The following MVB12B variants were observed in gnomAD, a reference collection of about 807,000 sequenced individuals.
MVB12B encodes ESCRT-I complex subunit MVB12B.
MVB12B carries 16 observed loss-of-function variants against 41.6 expected under a neutral mutation model. The ratio of observed to expected loss-of-function variants is 0.38; its 90% CI spans 0.26 to 0.58. The LOEUF (loss-of-function observed/expected upper bound fraction) is 0.58, where lower values mean the gene tolerates loss of function less well. Among genes scored for constraint, MVB12B ranks in the 20% least tolerant of loss-of-function variants. The pLI is 0.62. For missense variants in MVB12B, 274 were observed against 380.2 expected (o/e 0.72, Z 2.32); for synonymous variants, 133 against 139.7 (o/e 0.95, Z 0.34).
Position 126,391,817 on chromosome 9 carries a change from C to A in MVB12B, c.410-249C>A, listed in dbSNP as rs1588133948. ...TTGTGGTTGCGGCTCTTAGAAGCCACCCAGATTTACTGCAGGGTGTGTGGT... is the reference window on the plus strand; with the variant it reads ...TTGTGGTTGCGGCTCTTAGAAGCCAACCAGATTTACTGCAGGGTGTGTGGT... On this transcript the variant is annotated intron_variant, in intron 4 of 9. Transcript: ENST00000361171. This position sits in a 1 kb window ranked among gnomAD's most constrained non-coding sequence, Gnocchi z 4.4. Among the ~76,000 whole-genome samples the A allele has an allele frequency of 6.6e-6, 1 of 152,306 alleles. No individual in the cohort carries two copies. The highest frequency in any genetic ancestry group is 1.9e-4 in the East Asian group (1 of 5,184).
At chr9:126,347,970 C>T (rs888163067) in intron 2 of MVB12B, among the ~76,000 whole-genome samples, 2 of 152,212 alleles carry the variant, frequency 1.3e-5, no homozygotes, top group Non-Finnish European at 2.9e-5. Context: ...AGTTGCCCCT[C>T]CTGGAACTCT....
intron 6 of MVB12B, among the ~76,000 whole-genome samples, chr9:126,404,967 A>T (rs770228975): frequency 2.6e-5 from 4 of 152,218 alleles, no homozygotes; most frequent in Admixed American, 6.5e-5. Context: ...ATTAGAATGC[A>T]GTTCGGTATT....
chr9:126,441,332 A>G (rs938045582), intron 7 of MVB12B, among the ~76,000 whole-genome samples: 5 of 152,200 alleles, frequency 3.3e-5, no homozygotes, highest in Non-Finnish European at 7.3e-5. Flanking sequence ...AATTACTCTC[A>G]CTAGGAAGAC....
chr9:126,485,957 T>C (rs1400969890), intron 9 of MVB12B, among the ~76,000 whole-genome samples: 1 of 151,966 alleles, frequency 6.6e-6, no homozygotes, highest in African/African-American at 2.4e-5. Flanking sequence ...ATGGAAATGG[T>C]AGAACCATTT....
intron 7 of MVB12B, among the ~76,000 whole-genome samples, chr9:126,474,858 C>G (rs1240722778): frequency 6.6e-6 from 1 of 152,190 alleles, no homozygotes; most frequent in East Asian, 1.9e-4. Context: ...TCCCTCACCA[C>G]TCTGGCCTCC....
At chr9:126,448,443 C>G (rs1415620319) in intron 7 of MVB12B, 5 of 152,240 alleles carry the variant, frequency 3.3e-5, no homozygotes, top group African/African-American at 1.2e-4. Flanking sequence ...CCATGAAAGA[C>G]CAGTTAATTC....
chr9:126,462,296 A>G (rs972273074), intron 7 of MVB12B, among the ~76,000 whole-genome samples: 4 of 152,228 alleles, frequency 2.6e-5, no homozygotes, highest in Non-Finnish European at 5.9e-5. Flanking sequence ...GGAAGTGATG[A>G]AAACCAATTT....
chr9:126,355,524 A>G (rs2118873224), intron 2 of MVB12B, among the ~76,000 whole-genome samples: 1 of 152,342 alleles, frequency 6.6e-6, no homozygotes, highest in Non-Finnish European at 1.5e-5. Context: ...CTGCATTATG[A>G]GGGCGTTGCA....
chr9:126,422,412 G>C (rs1832053152), intron 7 of MVB12B, among the ~76,000 whole-genome samples: 1 of 152,170 alleles, frequency 6.6e-6, no homozygotes, highest in African/African-American at 2.4e-5. Context: ...TGAGTCTGTG[G>C]TTTCTGAACT....
At chr9:126,394,816 C>T (rs955602158) in intron 5 of MVB12B, among the ~76,000 whole-genome samples, 10 of 152,200 alleles carry the variant, frequency 6.6e-5, no homozygotes, top group Non-Finnish European at 1.2e-4. Context: ...GATTATATTC[C>T]TCTACATCAG....
intron 7 of MVB12B, chr9:126,481,154 G>A (rs1206592948): frequency 1.7e-6 from 1 of 586,434 alleles, no homozygotes; most frequent in Non-Finnish European, 3.0e-6. Context: ...GTGCTCAGGG[G>A]ATGACGAGGC....
At position 126,503,414 on chromosome 9, in the gene MVB12B, G is replaced by A. The variant is rs1292818499; in HGVS notation, c.*151G>A. 20 of 640,866 alleles carry A rather than the reference G, an allele frequency of 3.1e-5. No individual in the cohort carries two copies. Among genetic ancestry groups the A allele is most frequent in the Middle Eastern group, 4.2e-4 (1 of 2,404 alleles). 39.7% of individuals were successfully genotyped at this position (640,866 alleles called of 1,614,324 possible). On this transcript the variant is annotated 3_prime_UTR_variant, in exon 10 of 10. Transcript: ENST00000361171. ...CCGGAGACTGGGCAGCTAAGTGGGC[G>A]CATCCTGTCTTCAGCTGGCCTCACT...
rs1834027562 is a variant in MVB12B, at chr9:126,504,504, C to G, written c.*1241C>G. On this transcript the variant is annotated 3_prime_UTR_variant, in exon 10 of 10. Coordinates refer to ENST00000361171, the MANE Select transcript of MVB12B (RefSeq NM_033446.3). ...CGGTTGGGGGCTGCACTACCTGCGTCCGTGGAAGCCTCTGCCTCAGCGGGG... is the reference window on the plus strand; with the variant it reads ...CGGTTGGGGGCTGCACTACCTGCGTGCGTGGAAGCCTCTGCCTCAGCGGGG... 1 of 152,524 alleles carries G rather than the reference C, an allele frequency of 6.6e-6. No individual in the cohort carries two copies. Among genetic ancestry groups the G allele is most frequent in the Non-Finnish European group, 1.5e-5 (1 of 68,098 alleles). The allele number at this position is 152,524 out of a possible 1,614,324, so 9.4% of individuals were successfully genotyped here.
chr9:126,454,896 C>G (rs1459469132), intron 7 of MVB12B, among the ~76,000 whole-genome samples: 1 of 152,024 alleles, frequency 6.6e-6, no homozygotes, highest in Non-Finnish European at 1.5e-5. Context: ...CGCTCTCCAC[C>G]AGACTCCACT....
At chr9:126,417,767 G>A (rs1047261899) in intron 6 of MVB12B, among the ~76,000 whole-genome samples, 2 of 152,236 alleles carry the variant, frequency 1.3e-5, no homozygotes, top group Non-Finnish European at 2.9e-5. Context: ...AAAGTGTACT[G>A]TGATACCTGG....
intron 2 of MVB12B, among the ~76,000 whole-genome samples, chr9:126,366,141 G>A (rs551653102): frequency 2.4e-4 from 36 of 151,792 alleles, no homozygotes; most frequent in Non-Finnish European, 4.4e-4. Flanking sequence ...TGCGGCCTCC[G>A]CCACCCTCCC....
At chr9:126,396,222 A>G (rs1306236149) in intron 6 of MVB12B, 10 of 986,856 alleles carry the variant, frequency 1.0e-5, no homozygotes, top group South Asian at 9.3e-5. Flanking sequence ...TGTCTCCGCA[A>G]AGAAACTTGG....
At chr9:126,442,809 G>C (rs1305299091) in intron 7 of MVB12B, among the ~76,000 whole-genome samples, 1 of 152,156 alleles carries the variant, frequency 6.6e-6, no homozygotes, top group Admixed American at 6.5e-5. Context: ...TTGGGCAGAA[G>C]TGTATCCTCT....
chr9:126,372,216 C>A (rs1238476491), intron 2 of MVB12B, among the ~76,000 whole-genome samples: 2 of 152,224 alleles, frequency 1.3e-5, no homozygotes, highest in East Asian at 3.8e-4. Flanking sequence ...TATCAGTATA[C>A]CATTCCTTTT....
Sources: allele counts gnomAD v4.1 joint callset (sites outside exome capture counted in the v4.1 genomes callset), GRCh38; gene constraint gnomAD v4.1.1; non-coding constraint Gnocchi (gnomAD v3.1); transcripts MANE v1.5; gene names NCBI Gene and HGNC (gene_info 2026-07-23, HGNC 2026-07-21).